NLRC5: variants seen among roughly 807,000 people sequenced by gnomAD.
NLRC5 encodes protein NLRC5.
A neutral mutation model predicts 206.9 loss-of-function variants in NLRC5; 114 were observed. That is an observed-to-expected ratio of 0.55 (90% CI 0.47 to 0.64). NLRC5 has a LOEUF of 0.64. NLRC5 is among the 30% of genes least tolerant of loss of function. The pLI is 0.00. For missense variants in NLRC5, 2,008 were observed against 2,305.5 expected, an observed-to-expected ratio of 0.87 and a Z score of 2.64; for synonymous variants, 952 against 962.8, an observed-to-expected ratio of 0.99 and a Z score of 0.21.
chr16:57,061,945 A>C (rs1349301594), intron 32 of NLRC5: 1 of 1,519,258 alleles, frequency 6.6e-7, no homozygotes, highest in Non-Finnish European at 8.8e-7. Flanking sequence ...AAAGAAAGAA[A>C]GAAAGAAGGT....
intron 13 of NLRC5, chr16:57,034,571 CT>C (rs1567572889): frequency 3.7e-6 from 1 of 270,934 alleles, no homozygotes; most frequent in East Asian, 1.0e-4. Flanking sequence ...TAGGAAGAGT[CT>C]AGGCTAGGGT....
In NLRC5 at chr16:57,037,200, GTAA is replaced by G; in HGVS notation, c.2718_2720del (p.Asn908del). 1 of 1,613,736 alleles carries G rather than the reference GTAA, an allele frequency of 6.2e-7. No individual in the cohort carries two copies. The highest frequency in any genetic ancestry group is 8.5e-7 in the Non-Finnish European group (1 of 1,179,878). ...CCTTCTCCTGCTCTCCACAGCCTCA[GTAA>G]CAACGGGCTTTCTGTGGCCGGGGTG... is the stretch of plus-strand genomic sequence containing the variant. On this transcript the variant is annotated inframe_deletion, in exon 15 of 49. Coordinates refer to ENST00000688547, the MANE Select transcript of NLRC5 (RefSeq NM_001384950.1).
In NLRC5 at chr16:57,059,466, G is replaced by C; in HGVS notation, c.3921-1G>C. 1 of 1,607,396 alleles carries C rather than the reference G, an allele frequency of 6.2e-7. No homozygotes were observed. The highest frequency in any genetic ancestry group is 8.5e-7 in the Non-Finnish European group (1 of 1,176,940). On this transcript the variant is annotated splice_acceptor_variant, in intron 29 of 48. Coordinates refer to ENST00000688547, the MANE Select transcript of NLRC5 (RefSeq NM_001384950.1). LOFTEE classifies it high-confidence loss of function. The stretch of plus-strand genomic sequence containing the variant: ...GCTTCCCCAGGCCCTTCTCTCTGCA[G>C]CCTGGGCTCTGAGCAGAGCTTCCGG...
Position 57,019,999 on chromosome 16 carries a change from G to A in NLRC5, c.-12-702G>A, listed in dbSNP as rs537080644. Among the ~76,000 whole-genome samples, 3 of 152,124 alleles carry A rather than the reference G, an allele frequency of 2.0e-5. 1 individual carries two copies. The South Asian group carries it at 6.2e-4, about 32-fold the overall frequency. On this transcript the variant is annotated intron_variant, in intron 2 of 48. Coordinates refer to ENST00000688547, the MANE Select transcript of NLRC5 (RefSeq NM_001384950.1). ...GAGAGCCAGGGTGCAGGCACAAATG[G>A]AGTAGGGAGGGGGTGCAGAAGAAAC...
intron 10 of NLRC5, among the ~76,000 whole-genome samples, chr16:57,030,768 C>G (rs1424107384): frequency 2.0e-5 from 3 of 152,126 alleles, no homozygotes; most frequent in African/African-American, 7.2e-5. Flanking sequence ...CAGTTTTGAT[C>G]ATGGGGTAGG....
chr16:57,060,031 T>C (rs986880692), intron 30 of NLRC5, among the ~76,000 whole-genome samples: 1 of 123,338 alleles, frequency 8.1e-6, no homozygotes, highest in African/African-American at 3.9e-5. Flanking sequence ...ACTGTTATTA[T>C]TATTATTATT....
In NLRC5 at chr16:57,025,377, A is replaced by G; in HGVS notation, c.434A>G (p.Lys145Arg). 6.5e-7 allele frequency: 1 copy of G among 1,535,252 alleles called. No homozygotes were observed. Among genetic ancestry groups the G allele is most frequent in the Non-Finnish European group, 8.8e-7 (1 of 1,142,166 alleles). ...QCKKQQLELA[K>R]KYLQLLRTSA... ...TCCCTGCCCCTTGCAGAGTTGGCCAAGAAGTACCTGCAGCTCCTGCGGACC... is the reference window on the plus strand; with the variant it reads ...TCCCTGCCCCTTGCAGAGTTGGCCAGGAAGTACCTGCAGCTCCTGCGGACC... The change falls in exon 6 of 49, where the codon AAG becomes AGG. Residue 145 changes from lysine (K) to arginine (R), a missense_variant. By Grantham distance (26) the Lys-to-Arg change is conservative (BLOSUM62 2). Coordinates refer to ENST00000688547, the MANE Select transcript of NLRC5 (RefSeq NM_001384950.1).
rs1166023394 is a variant in NLRC5, at chr16:57,028,167, C to G, written c.2159+12C>G. On this transcript the variant is annotated intron_variant, in intron 7 of 48. Coordinates refer to ENST00000688547, the MANE Select transcript of NLRC5 (RefSeq NM_001384950.1). The stretch of plus-strand genomic sequence containing the variant: ...CTGCAGATGCTGGGGTGAGCCAGGC[C>G]TTGGAGCTGAGAAGGGTCTTCAGCT... 1.9e-6 allele frequency: 3 copies of G among 1,610,982 alleles called. No individual in the cohort carries two copies. Among genetic ancestry groups the G allele is most frequent in the South Asian group, 1.1e-5 (1 of 90,890 alleles).
At chr16:57,011,446 G>T (rs545130538) in intron 1 of NLRC5, among the ~76,000 whole-genome samples, 1 of 152,106 alleles carries the variant, frequency 6.6e-6, no homozygotes, top group African/African-American at 2.4e-5. Context: ...TTAGACTCAG[G>T]TGCAGAGGCT....
In NLRC5 at chr16:57,049,425, A is replaced by G. The variant is rs189169798; in HGVS notation, c.3422+1797A>G. 4.6e-5 allele frequency among the ~76,000 whole-genome samples: 7 copies of G among 152,318 alleles called. No homozygotes were observed. In the East Asian group the frequency reaches 1.4e-3, roughly 29 times the overall value. ...CTGCTGGCCAAGGCAAATCATCTGC[A>G]GAGGAAGCTTAATATAAAAAGCCCA... On this transcript the variant is annotated intron_variant, in intron 23 of 48. Coordinates refer to ENST00000688547, the MANE Select transcript of NLRC5 (RefSeq NM_001384950.1).
chr16:57,030,406 G>GGCT (rs1567563782), intron 10 of NLRC5, among the ~76,000 whole-genome samples: 1 of 138,430 alleles, frequency 7.2e-6, no homozygotes, highest in Non-Finnish European at 1.6e-5. Flanking sequence ...ATGGATGGAT[G>GGCT]GATGGCTGAA....
chr16:57,030,376 A>C (rs535172974), intron 10 of NLRC5, among the ~76,000 whole-genome samples: 8 of 132,496 alleles, frequency 6.0e-5, no homozygotes, highest in African/African-American at 2.0e-4. Context: ...GGATGGGTGG[A>C]TGAAAAGATG....
chr16:57,069,932 G>A lies in NLRC5; in HGVS notation c.4583+13G>A, dbSNP rs1421448141. 1.3e-6 allele frequency: 2 copies of A among 1,563,558 alleles called. No homozygotes were observed. The highest frequency in any genetic ancestry group is 1.7e-6 in the Non-Finnish European group (2 of 1,154,734). On this transcript the variant is annotated intron_variant, in intron 37 of 48. Coordinates refer to ENST00000688547, the MANE Select transcript of NLRC5 (RefSeq NM_001384950.1). ...TGGAGGAGCTGGAGTGAGTTGCAGA[G>A]TGGAGGGATTGGGGACAAGTGGCCC... is the stretch of plus-strand genomic sequence containing the variant.
intron 15 of NLRC5, among the ~76,000 whole-genome samples, 167 bp downstream of exon 15, chr16:57,037,451 A>G (rs545012395): frequency 1.3e-5 from 2 of 152,226 alleles, no homozygotes; most frequent in African/African-American, 4.8e-5. Context: ...TGCTGTGGAT[A>G]TAGGCTGCTC....
chr16:57,077,412 G>T (rs373800143), intron 41 of NLRC5, 33 bp downstream of exon 41: 28 of 1,579,980 alleles, frequency 1.8e-5, no homozygotes, highest in Non-Finnish European at 2.3e-5. Context: ...GAGGGCCACA[G>T]GGGTCACACG....
rs752948454 is a variant in NLRC5, at chr16:57,042,040, G to A, written c.3088G>A (p.Gly1030Arg). The change falls in exon 19 of 49, where the codon GGG (glycine) becomes AGG (arginine). Residue 1030 changes from glycine (G) to arginine (R), a missense_variant. Physicochemically the swap from Gly to Arg is moderately radical, Grantham distance 125. Transcript: ENST00000688547. ...AGCCCGGCTGGCTCAGCTGCTCCCA[G>A]GGCTGGGAGCTCTGCAGTCCTTGAA... ...GAARLAQLLP[G>R]LGALQSLNLS... 3.8e-6 allele frequency: 6 copies of A among 1,569,410 alleles called. No individual in the cohort carries two copies. In the East Asian group the frequency reaches 1.4e-4, roughly 37 times the overall value.
At chr16:57,052,073 C>A (rs770195271) in intron 24 of NLRC5, among the ~76,000 whole-genome samples, 15 of 152,212 alleles carry the variant, frequency 9.9e-5, no homozygotes, top group Non-Finnish European at 1.6e-4. Context: ...TTATCACATG[C>A]TGCTTTTTAA....
Position 57,061,361 on chromosome 16 carries a change from C to A in NLRC5, c.3987-87C>A. 5 of 1,333,546 alleles carry A rather than the reference C, an allele frequency of 3.7e-6. No individual in the cohort carries two copies. In the Admixed American group the frequency reaches 5.5e-5, roughly 15 times the overall value. The allele number at this position is 1,333,546 out of a possible 1,614,324, so 82.6% of individuals were successfully genotyped here. On this transcript the variant is annotated intron_variant, in intron 30 of 48. Coordinates refer to ENST00000688547, the MANE Select transcript of NLRC5 (RefSeq NM_001384950.1). The stretch of plus-strand genomic sequence containing the variant: ...TGCCCTCAGAGGTGGGATGCTCCCC[C>A]AATAGGCCCTCAGGGAGGCTGAGAT...
At chr16:57,071,506 T>C (rs1252792850) in intron 38 of NLRC5, among the ~76,000 whole-genome samples, 2 of 113,894 alleles carry the variant, frequency 1.8e-5, no homozygotes, top group African/African-American at 7.0e-5. Context: ...TGGTGGTTAA[T>C]GGGGAAGGGT....
Sources: allele counts gnomAD v4.1 joint callset (sites outside exome capture counted in the v4.1 genomes callset), GRCh38; gene constraint gnomAD v4.1.1; transcripts MANE v1.5; gene names NCBI Gene and HGNC (gene_info 2026-07-23, HGNC 2026-07-21).